The following PDZD2 variants were observed in gnomAD, a reference collection of about 807,000 sequenced individuals.
The protein encoded by PDZD2 is PDZ domain containing 2.
PDZD2 carries 90 observed loss-of-function variants against 220.7 expected under a neutral mutation model. That is an observed-to-expected ratio of 0.41 (90% CI 0.34 to 0.49). The LOEUF (loss-of-function observed/expected upper bound fraction) is 0.49. Ranked by LOEUF, PDZD2 falls within the 20% of genes least tolerant of loss-of-function variation. The pLI, the probability that PDZD2 is intolerant of heterozygous loss-of-function variation, is 0.28. For synonymous variants in PDZD2, 1,375 were observed against 1,450.5 expected, an observed-to-expected ratio of 0.95 and a Z score of 1.18; for missense variants, 3,174 against 3,608.5, an observed-to-expected ratio of 0.88 and a Z score of 3.08.
At chr5:31,664,788 AT>A (rs1361686367) in intron 1 of PDZD2, 2 of 152,204 alleles carry the variant, frequency 1.3e-5, no homozygotes, top group African/African-American at 2.4e-5. Context: ...CCACATGGTG[AT>A]TCAGGGACTC....
intron 1 of PDZD2, among the ~76,000 whole-genome samples, chr5:31,724,427 C>T (rs1403198904): frequency 2.0e-5 from 3 of 151,980 alleles, no homozygotes; most frequent in African/African-American, 4.8e-5. Flanking sequence ...CATGGAGAAA[C>T]CCCGTCTCTA....
At chr5:32,062,056 C>G (rs1739741848) in intron 14 of PDZD2, among the ~76,000 whole-genome samples, 1 of 152,134 alleles carries the variant, frequency 6.6e-6, no homozygotes, top group African/African-American at 2.4e-5. Context: ...CCACCATGCC[C>G]CACGTTAGAT....
chr5:31,989,234 A>G (rs531909803), intron 3 of PDZD2, among the ~76,000 whole-genome samples: 1 of 151,720 alleles, frequency 6.6e-6, no homozygotes, highest in South Asian at 2.1e-4. Context: ...CTGTTATTCC[A>G]CTCTGCACGG....
At chr5:31,691,166 T>C (rs1328943388) in intron 1 of PDZD2, among the ~76,000 whole-genome samples, 1 of 152,124 alleles carries the variant, frequency 6.6e-6, no homozygotes, top group Admixed American at 6.5e-5. Context: ...TTCCTTCTGG[T>C]GGGTTCGTGG....
intron 9 of PDZD2, 42 bp from the exon 10 acceptor site, chr5:32,053,727 T>C: frequency 9.2e-7 from 1 of 1,087,594 alleles, no homozygotes; most frequent in Non-Finnish European, 1.4e-6. Flanking sequence ...CTCAGTTAAA[T>C]ACCACACTGT....
At chr5:31,819,507 A>C (rs1205585231) in intron 2 of PDZD2, among the ~76,000 whole-genome samples, 1 of 151,986 alleles carries the variant, frequency 6.6e-6, no homozygotes, top group Non-Finnish European at 1.5e-5. Context: ...AAATACAAAA[A>C]TTAGCTGCGA....
intron 2 of PDZD2, among the ~76,000 whole-genome samples, chr5:31,849,979 CATATA>C (rs1561507485): frequency 0.14 from 4,164 of 29,574 alleles, 1,170 homozygotes; most frequent in African/African-American, 0.47. Flanking sequence ...TATATATATA[CATATA>C]TATATATACA....
chr5:31,892,700 T>C (rs1561547370), intron 2 of PDZD2, among the ~76,000 whole-genome samples: 1 of 122,768 alleles, frequency 8.1e-6, no homozygotes, highest in Non-Finnish European at 1.6e-5. Flanking sequence ...CCCGAGTAGC[T>C]AGGTCAACAG....
chr5:31,860,720 T>C (rs1409882849), intron 2 of PDZD2, among the ~76,000 whole-genome samples: 1 of 152,200 alleles, frequency 6.6e-6, no homozygotes, highest in Non-Finnish European at 1.5e-5. Flanking sequence ...CCTGTTGGCA[T>C]GGTAGCGTCT....
intron 21 of PDZD2, among the ~76,000 whole-genome samples, chr5:32,093,320 CAG>C (rs1743348872): frequency 1.3e-5 from 2 of 152,216 alleles, no homozygotes; most frequent in Admixed American, 6.5e-5. Flanking sequence ...AGTTTGTTTG[CAG>C]AGAGTCCTCA....
chr5:31,956,590 ATAAAAT>A (rs1370632818), intron 2 of PDZD2, among the ~76,000 whole-genome samples: 1 of 147,958 alleles, frequency 6.8e-6, no homozygotes, highest in Non-Finnish European at 1.5e-5. Flanking sequence ...ATATAAATAA[ATAAAAT>A]AAAAATACAA....
chr5:32,088,856 A>C lies in PDZD2; in HGVS notation c.5408A>C (p.Lys1803Thr). Residue 1803 changes from lysine to threonine, a missense_variant, in exon 20 of 25, where the codon AAA becomes ACA. Lys to Thr is a moderately conservative substitution (Grantham distance 78). This residue lies in a region of PDZD2 where 1,861 missense variants were observed against 2,001.0 expected (regional missense o/e 0.93). Coordinates refer to ENST00000438447, the MANE Select transcript of PDZD2 (RefSeq NM_178140.4). The surrounding 1 kb of genome is among the most constrained non-coding windows in gnomAD (Gnocchi z 4.6). ...AGGAGGCCCATCATGGCCTGGTTTA[A>C]AGAAATAAATAAACATAACCAAGGC... is the stretch of plus-strand genomic sequence containing the variant. ...IARRPIMAWF[K>T]EINKHNQGTH... is the part of the protein sequence containing the mutation. 1 of 1,614,180 alleles carries C rather than the reference A, an allele frequency of 6.2e-7. No individual in the cohort carries two copies. The highest frequency in any genetic ancestry group is 8.5e-7 in the Non-Finnish European group (1 of 1,180,042).
rs565486804 is a variant in PDZD2 at position 31,875,599 on chromosome 5, T to A, written c.476+75875T>A. 6.3e-3 allele frequency among the ~76,000 whole-genome samples: 902 copies of A among 142,510 alleles called. 5 individuals carry two copies. The highest frequency in any genetic ancestry group is 0.021 in the East Asian group (105 of 5,056). 93.5% of individuals were successfully genotyped at this position (142,510 alleles called of 152,430 possible). On this transcript the variant is annotated intron_variant, in intron 2 of 24. Coordinates refer to ENST00000438447, the MANE Select transcript of PDZD2 (RefSeq NM_178140.4). Reference sequence around the variant, plus strand: ...AGACCCTGTTCAAAAAAAAAAAAAATATATATATATATTTTAAAAATATAT... The same window carrying A: ...AGACCCTGTTCAAAAAAAAAAAAAAAATATATATATATTTTAAAAATATAT...
At position 32,058,092 on chromosome 5, in the gene PDZD2, C is replaced by T. The variant is rs746183183; in HGVS notation, c.2189C>T (p.Thr730Ile). The change falls in exon 12 of 25, where the codon ACA (threonine) becomes ATA (isoleucine). Residue 730 changes from threonine (T) to isoleucine (I), a missense_variant. Coordinates refer to ENST00000438447, the MANE Select transcript of PDZD2 (RefSeq NM_178140.4). ...GPKDRIVMEV[T>I]LNKEPRVGLG... Reference sequence around the variant, plus strand: ...AAGGACAGGATCGTCATGGAAGTAACACTCAACAAAGGTGATAGCAGCTAT... The same window carrying T: ...AAGGACAGGATCGTCATGGAAGTAATACTCAACAAAGGTGATAGCAGCTAT... The T allele has an allele frequency of 5.2e-6, 8 of 1,550,638 alleles. No individual in the cohort carries two copies. The East Asian group carries it at 1.8e-4, about 35-fold the overall frequency.
At chr5:31,662,683 G>A (rs1745815007) in intron 1 of PDZD2, among the ~76,000 whole-genome samples, 1 of 152,140 alleles carries the variant, frequency 6.6e-6, no homozygotes, top group Non-Finnish European at 1.5e-5. Context: ...AGGATGGAGT[G>A]CAGTGGCGCA....
At chr5:31,866,378 G>A (rs991523967) in intron 2 of PDZD2, among the ~76,000 whole-genome samples, 1 of 152,154 alleles carries the variant, frequency 6.6e-6, no homozygotes, top group African/African-American at 2.4e-5. Flanking sequence ...GCTGTTGGCA[G>A]TGCCTTCTAG....
chr5:31,767,362 C>A (rs1752089893), intron 1 of PDZD2, among the ~76,000 whole-genome samples: 1 of 152,208 alleles, frequency 6.6e-6, no homozygotes, highest in Non-Finnish European at 1.5e-5. Flanking sequence ...TACAGGACTT[C>A]TCAGAGACTT....
At chr5:31,777,894 C>G (rs1486131850) in intron 1 of PDZD2, among the ~76,000 whole-genome samples, 1 of 152,220 alleles carries the variant, frequency 6.6e-6, no homozygotes, top group Non-Finnish European at 1.5e-5. Context: ...CACTCTGTGT[C>G]TAGCTAAAGG....
At chr5:31,860,292 C>T (rs1271654865) in intron 2 of PDZD2, among the ~76,000 whole-genome samples, 1 of 152,088 alleles carries the variant, frequency 6.6e-6, no homozygotes, top group Non-Finnish European at 1.5e-5. Context: ...GATTTAGGGT[C>T]CCTTCCGCCT....
Sources: gnomAD v4.1 joint callset for allele counts (sites outside exome capture counted in the v4.1 genomes callset) on GRCh38, gnomAD v4.1.1 for gene constraint, gnomAD v4.1.1 regional missense constraint, Gnocchi (gnomAD v3.1) non-coding constraint, MANE v1.5 for transcripts, NCBI Gene and HGNC (gene_info 2026-07-23, HGNC 2026-07-21) for gene names.